CDH12: variants seen among roughly 807,000 people sequenced by gnomAD.
CDH12 encodes the protein cadherin-12.
Under a neutral mutation model 74.1 loss-of-function variants are expected in CDH12, and 41 were observed. That is an observed-to-expected ratio of 0.55 (90% CI 0.43 to 0.72). CDH12 has a LOEUF of 0.72. Among genes scored for constraint, CDH12 ranks in the 30% least tolerant of loss-of-function variants. The pLI, the probability that CDH12 is intolerant of heterozygous loss-of-function variation, is 0.00. For missense variants in CDH12, 945 were observed against 977.2 expected (o/e 0.97, Z 0.44); for synonymous variants, 399 against 355.0 (o/e 1.12, Z -1.39).
chr5:22,085,877 A>G (rs1743029522), intron 4 of CDH12, among the ~76,000 whole-genome samples: 1 of 152,210 alleles, frequency 6.6e-6, no homozygotes, highest in Non-Finnish European at 1.5e-5. Flanking sequence ...GTAAATATTT[A>G]AAGACTTCAA....
intron 2 of CDH12, among the ~76,000 whole-genome samples, chr5:22,409,636 G>A (rs1025233417): frequency 3.3e-5 from 5 of 152,020 alleles, no homozygotes; most frequent in Non-Finnish European, 7.4e-5. Context: ...AATGTTTTAA[G>A]TTTCTTCTAT....
chr5:22,160,179 T>A (rs1449096915), intron 4 of CDH12, among the ~76,000 whole-genome samples: 1 of 152,238 alleles, frequency 6.6e-6, no homozygotes, highest in African/African-American at 2.4e-5. Context: ...CAGTTGAGAT[T>A]GAAAATAGAT....
intron 1 of CDH12, among the ~76,000 whole-genome samples, chr5:22,825,310 G>C (rs560065771): frequency 3.3e-5 from 5 of 152,114 alleles, no homozygotes; most frequent in Admixed American, 2.6e-4. Context: ...CAACAAATTA[G>C]ATACATTAAA....
chr5:22,124,162 T>C (rs1745695134), intron 4 of CDH12, among the ~76,000 whole-genome samples: 1 of 151,752 alleles, frequency 6.6e-6, no homozygotes, highest in Non-Finnish European at 1.5e-5. Flanking sequence ...TTTTATTTTA[T>C]TTCATTTTTT....
At chr5:22,379,420 C>A (rs1014994103) in intron 3 of CDH12, among the ~76,000 whole-genome samples, 3 of 152,134 alleles carry the variant, frequency 2.0e-5, no homozygotes, top group African/African-American at 7.2e-5. Context: ...TCCTCTGGAT[C>A]ACCCAAGTCA....
At chr5:22,084,423 T>A (rs1256771758) in intron 4 of CDH12, among the ~76,000 whole-genome samples, 1 of 152,260 alleles carries the variant, frequency 6.6e-6, no homozygotes, top group Non-Finnish European at 1.5e-5. Context: ...AGTATCATTT[T>A]ACATGAATTC....
At chr5:22,848,806 C>T (rs1476730909) in intron 1 of CDH12, among the ~76,000 whole-genome samples, 1 of 152,130 alleles carries the variant, frequency 6.6e-6, no homozygotes, top group East Asian at 1.9e-4. Context: ...AATACTGATT[C>T]AGTCTAATTG....
At chr5:22,588,072 CAATA>C (rs1416226590) in intron 1 of CDH12, among the ~76,000 whole-genome samples, 1 of 149,378 alleles carries the variant, frequency 6.7e-6, no homozygotes, top group Admixed American at 6.7e-5. Flanking sequence ...TTATCATATG[CAATA>C]AATACATACA....
At chr5:21,915,581 A>G (rs1046119591) in intron 6 of CDH12, among the ~76,000 whole-genome samples, 1 of 152,124 alleles carries the variant, frequency 6.6e-6, no homozygotes, top group African/African-American at 2.4e-5. Flanking sequence ...GAAATGCCAG[A>G]TTTAGACAGC....
chr5:21,755,936 G>T, intron 13 of CDH12, 94 bp from the exon 14 acceptor site: 1 of 1,168,288 alleles, frequency 8.6e-7, no homozygotes, highest in Non-Finnish European at 1.2e-6. Context: ...AGCTCTTCTT[G>T]AATCAGGAAA....
intron 10 of CDH12, among the ~76,000 whole-genome samples, chr5:21,792,810 A>G (rs996793523): frequency 2.6e-5 from 4 of 151,738 alleles, no homozygotes; most frequent in Non-Finnish European, 5.9e-5. Context: ...CTCTGCGGAC[A>G]CCTTGAAGCA....
At chr5:22,203,479 C>T (rs1751033840) in intron 4 of CDH12, among the ~76,000 whole-genome samples, 2 of 152,100 alleles carry the variant, frequency 1.3e-5, no homozygotes, top group Admixed American at 1.3e-4. Context: ...CCACATTTTC[C>T]TTGTCCACTC....
At chr5:21,909,890 A>G (rs1274424738) in intron 6 of CDH12, among the ~76,000 whole-genome samples, 1 of 152,142 alleles carries the variant, frequency 6.6e-6, no homozygotes, top group East Asian at 1.9e-4. Context: ...ACAAACCAAT[A>G]TCTTAAATAT....
intron 3 of CDH12, among the ~76,000 whole-genome samples, chr5:22,225,461 TCACAAAAAATGGTTA>T (rs1384459305): frequency 6.6e-6 from 1 of 152,046 alleles, no homozygotes. Flanking sequence ...ACATTAAAAA[TCACAAAAAATGGTTA>T]GAACTTTGCC....
At chr5:22,396,495 G>A (rs956729572) in intron 3 of CDH12, among the ~76,000 whole-genome samples, 4 of 152,106 alleles carry the variant, frequency 2.6e-5, no homozygotes, top group Non-Finnish European at 4.4e-5. Flanking sequence ...TATTAGAAAA[G>A]GTTTAGGGAG....
At chr5:21,841,239 CA>C (rs1749830260) in intron 8 of CDH12, among the ~76,000 whole-genome samples, 2 of 150,672 alleles carry the variant, frequency 1.3e-5, no homozygotes, top group African/African-American at 4.8e-5. Flanking sequence ...TTTATGCAGC[CA>C]AAAAACACAT....
chr5:22,389,793 G>A (rs977306518), intron 3 of CDH12, among the ~76,000 whole-genome samples: 7 of 127,786 alleles, frequency 5.5e-5, no homozygotes, highest in African/African-American at 7.6e-5. Flanking sequence ...GACTACAGGC[G>A]CCCACCACCA....
intron 1 of CDH12, among the ~76,000 whole-genome samples, chr5:22,651,890 G>C (rs556649216): frequency 2.0e-5 from 3 of 151,958 alleles, no homozygotes; most frequent in African/African-American, 4.8e-5. Flanking sequence ...ATCTTTTCAA[G>C]TTCTAAGTTC....
intron 1 of CDH12, among the ~76,000 whole-genome samples, chr5:22,828,898 A>G (rs1736456291): frequency 6.6e-6 from 1 of 152,174 alleles, no homozygotes; most frequent in African/African-American, 2.4e-5. Context: ...TTCACTTAAC[A>G]GGTATTTTAT....
Sources: allele counts gnomAD v4.1 joint callset (sites outside exome capture counted in the v4.1 genomes callset), GRCh38; gene constraint gnomAD v4.1.1; transcripts MANE v1.5; gene names NCBI Gene and HGNC (gene_info 2026-07-23, HGNC 2026-07-21).